The following NOSIP variants were observed in gnomAD, a reference collection of about 807,000 sequenced individuals.
NOSIP encodes nitric oxide synthase interacting protein.
NOSIP carries 25 observed loss-of-function variants against 36.4 expected under a neutral mutation model. The ratio of observed to expected loss-of-function variants is 0.69; its 90% CI spans 0.50 to 0.96. The LOEUF (loss-of-function observed/expected upper bound fraction) is 0.96. Ranked by LOEUF, NOSIP falls within the 40% of genes least tolerant of loss-of-function variation. The pLI, the probability that NOSIP is intolerant of heterozygous loss-of-function variation, is 0.00. For synonymous variants in NOSIP, 187 were observed against 179.2 expected (o/e 1.04, Z -0.35); for missense variants, 370 against 429.0 (o/e 0.86, Z 1.21).
chr19:49,575,695 G>A (rs2080542843), intron 1 of NOSIP, among the ~76,000 whole-genome samples: 1 of 152,180 alleles, frequency 6.6e-6, no homozygotes, highest in Non-Finnish European at 1.5e-5. Flanking sequence ...CTCAGCCCCT[G>A]TAGCATAAAA....
chr19:49,573,032 C>T (rs1399251349), intron 1 of NOSIP, among the ~76,000 whole-genome samples: 1 of 148,664 alleles, frequency 6.7e-6, no homozygotes, highest in Non-Finnish European at 1.5e-5. Flanking sequence ...AAGCATTTTA[C>T]TGAATATCAT....
intron 1 of NOSIP, among the ~76,000 whole-genome samples, chr19:49,577,552 AAAAAG>A (rs572137247): frequency 2.0e-3 from 303 of 151,924 alleles, no homozygotes; most frequent in African/African-American, 6.9e-3. Flanking sequence ...AAAAAGAAAA[AAAAAG>A]AAAAGAAGTA....
intron 4 of NOSIP, 77 bp from the exon 5 acceptor site, chr19:49,557,326 C>A (rs2080268461): frequency 6.7e-7 from 1 of 1,488,678 alleles, no homozygotes. Flanking sequence ...GGTAGGTAAA[C>A]TGAGGCCCAC....
chr19:49,560,103 A>C lies in NOSIP; in HGVS notation c.71-64T>G. 2 of 1,088,302 alleles carry C rather than the reference A, an allele frequency of 1.8e-6. No individual in the cohort carries two copies. Among genetic ancestry groups the C allele is most frequent in the Non-Finnish European group, 2.7e-6 (2 of 731,908 alleles). The allele number at this position is 1,088,302 out of a possible 1,614,324, so 67.4% of individuals were successfully genotyped here. A position where few individuals can be genotyped will look rare whatever the true frequency, so the allele number is the denominator to read the frequency against. On this transcript the variant is annotated intron_variant, in intron 2 of 8. Coordinates refer to ENST00000596358, the MANE Select transcript of NOSIP (RefSeq NM_001270960.2). This position sits in a 1 kb window ranked among gnomAD's most constrained non-coding sequence, Gnocchi z 4.6. ...CAACAGGAGACATGTCCGTCTCCAAAGCCCCAGAGAGAGGCACAGAGACAA... is the reference window on the plus strand; with the variant it reads ...CAACAGGAGACATGTCCGTCTCCAACGCCCCAGAGAGAGGCACAGAGACAA...
chr19:49,574,862 ATT>A (rs1257395416), intron 1 of NOSIP, among the ~76,000 whole-genome samples: 21 of 136,098 alleles, frequency 1.5e-4, no homozygotes, highest in Non-Finnish European at 1.4e-4. Context: ...TGCCTGGCTA[ATT>A]TTTTTTTTTT....
At chr19:49,573,287 C>T (rs1465920216) in intron 1 of NOSIP, among the ~76,000 whole-genome samples, 1 of 152,136 alleles carries the variant, frequency 6.6e-6, no homozygotes, top group Non-Finnish European at 1.5e-5. Context: ...TCTTGTCCTC[C>T]CCTGAAATCC....
chr19:49,564,540 G>C (rs1489963560), intron 1 of NOSIP, among the ~76,000 whole-genome samples: 2 of 151,922 alleles, frequency 1.3e-5, no homozygotes, highest in Non-Finnish European at 2.9e-5. Context: ...TAGACAGAGG[G>C]GTGCAGGCGA....
intron 1 of NOSIP, among the ~76,000 whole-genome samples, chr19:49,574,202 T>C (rs147873215): frequency 7.7e-4 from 117 of 152,198 alleles, no homozygotes; most frequent in East Asian, 6.9e-3. Flanking sequence ...CTTGGAGAAA[T>C]TGGCCTCTTC....
Position 49,557,097 on chromosome 19 carries a change from G to C in NOSIP, c.411C>G (p.Thr137=). Residue 137 remains threonine (T), a synonymous_variant, in exon 5 of 9, where the codon ACC becomes ACG. Transcript: ENST00000596358. The part of the protein sequence containing the change: ...NPFTAKALSG[T]SPDDVQPGPS... ...AAGCCCAACCTGAGTCACCTGGGCT[G>C]GTGCCCGAGAGGGCCTTGGCTGTGA... The C allele has an allele frequency of 6.2e-7, 1 of 1,611,416 alleles. No homozygotes were observed. The highest frequency in any genetic ancestry group is 1.1e-5 in the South Asian group (1 of 90,602).
intron 1 of NOSIP, among the ~76,000 whole-genome samples, chr19:49,561,456 G>A (rs1425366157): frequency 2.6e-5 from 4 of 152,088 alleles, no homozygotes; most frequent in African/African-American, 4.8e-5. Context: ...CATGTCCTGC[G>A]GTCCAGCAGC....
rs138800920 is a variant in NOSIP at position 49,557,898 on chromosome 19, G to A, written c.259-649C>T. The A allele has an allele frequency of 9.2e-5, 91 of 987,702 alleles. No homozygotes were observed. In the African/African-American group the frequency reaches 1.3e-3, roughly 14 times the overall value. 61.2% of individuals were successfully genotyped at this position (987,702 alleles called of 1,614,324 possible). ...GTGATGGATGCTCATGAGGGCCTCC[G>A]ACATGACCACCAGGCTGTGTGGAGG... On this transcript the variant is annotated intron_variant, in intron 4 of 8. Coordinates refer to ENST00000596358, the MANE Select transcript of NOSIP (RefSeq NM_001270960.2).
chr19:49,580,383 CAGCTGTATTAATAATGATTGACAG>C (rs1196453116), intron 1 of NOSIP, 108 bp downstream of exon 1: 1 of 152,000 alleles, frequency 6.6e-6, no homozygotes, highest in Non-Finnish European at 1.5e-5. Context: ...GGCGCCCGGA[CAGCTGTATTAATAATGATTGACAG>C]GGAATCGGGA....
intron 1 of NOSIP, among the ~76,000 whole-genome samples, chr19:49,568,802 G>GTTT (rs1568408606): frequency 8.7e-6 from 1 of 115,018 alleles, no homozygotes; most frequent in Admixed American, 9.3e-5. Context: ...AAAATAGTTT[G>GTTT]TTTGTTTGTT....
At chr19:49,566,121 G>A (rs1404843231) in intron 1 of NOSIP, among the ~76,000 whole-genome samples, 1 of 151,504 alleles carries the variant, frequency 6.6e-6, no homozygotes, top group Non-Finnish European at 1.5e-5. Flanking sequence ...CCGGGTTCAC[G>A]CCATTCTCCT....
chr19:49,569,005 G>A (rs1266608183), intron 1 of NOSIP, among the ~76,000 whole-genome samples: 1 of 151,182 alleles, frequency 6.6e-6, no homozygotes, highest in Non-Finnish European at 1.5e-5. Flanking sequence ...CTTTCACCAC[G>A]TTGGTCACGA....
At position 49,556,565 on chromosome 19, in the gene NOSIP, C is replaced by T. The variant is rs1008745775; in HGVS notation, c.709G>A (p.Ala237Thr). 1 of 1,605,968 alleles carries T rather than the reference C, an allele frequency of 6.2e-7. No individual in the cohort carries two copies. The highest frequency in any genetic ancestry group is 1.7e-5 in the Admixed American group (1 of 59,964). ...RDSLSNATPC[A>T]VLRPSGAVVT... ...GTGACTCACGAGGGCCGCAGCACAG[C>T]GCAGGGGGTGGCGTTGCTCAGGCTG... Residue 237 changes from alanine to threonine, a missense_variant, in exon 7 of 9, where the codon GCT becomes ACT. Ala to Thr is a moderately conservative substitution (Grantham distance 58, BLOSUM62 0). Transcript: ENST00000596358.
At chr19:49,557,994 G>A in intron 4 of NOSIP, 1 of 934,548 alleles carries the variant, frequency 1.1e-6, no homozygotes, top group South Asian at 4.9e-5. Flanking sequence ...AGTGTTTCCT[G>A]AGCGCCAGCA....
chr19:49,561,304 C>G (rs1407216555), intron 1 of NOSIP, among the ~76,000 whole-genome samples: 1 of 152,156 alleles, frequency 6.6e-6, no homozygotes, highest in African/African-American at 2.4e-5. Context: ...GGAAGAGCTA[C>G]CTCCACTCCC....
rs371060180 is a variant in NOSIP, at chr19:49,557,254, G to C, written c.259-5C>G. ...GCCCCGCTGCTTCTCGTAGGCCTGC[G>C]TCGGGGAAAGTGGGCTGAGCATCTG... On this transcript the variant is annotated splice_polypyrimidine_tract_variant and splice_region_variant and intron_variant, in intron 4 of 8. Transcript: ENST00000596358. 6.4e-7 allele frequency: 1 copy of C among 1,574,706 alleles called. No homozygotes were observed. Among genetic ancestry groups the C allele is most frequent in the South Asian group, 1.2e-5 (1 of 86,604 alleles).
Sources: gnomAD v4.1 joint callset for allele counts (sites outside exome capture counted in the v4.1 genomes callset) on GRCh38, gnomAD v4.1.1 for gene constraint, Gnocchi (gnomAD v3.1) non-coding constraint, MANE v1.5 for transcripts, NCBI Gene and HGNC (gene_info 2026-07-23, HGNC 2026-07-21) for gene names.